The following CAMK2G variants were observed in gnomAD, a reference collection of about 807,000 sequenced individuals.
The protein encoded by CAMK2G is calcium/calmodulin-dependent protein kinase type II subunit gamma.
A neutral mutation model predicts 88.7 loss-of-function variants in CAMK2G; 23 were observed. The observed-to-expected ratio is 0.26, with a 90% CI of 0.19 to 0.37. CAMK2G has a LOEUF of 0.37. Among genes scored for constraint, CAMK2G ranks in the 10% least tolerant of loss-of-function variants. The pLI is 1.00. For synonymous variants in CAMK2G, 263 were observed against 294.8 expected (o/e 0.89, Z 1.11); for missense variants, 476 against 780.8 (o/e 0.61, Z 4.65).
At chr10:73,843,054 C>A (rs2093932378) in intron 10 of CAMK2G, among the ~76,000 whole-genome samples, 1 of 151,194 alleles carries the variant, frequency 6.6e-6, no homozygotes, top group Non-Finnish European at 1.5e-5. Context: ...AGCATCAATT[C>A]TTTTCATCAT....
chr10:73,870,908 A>G, intron 2 of CAMK2G, among the ~76,000 whole-genome samples: 1 of 152,050 alleles, frequency 6.6e-6, no homozygotes. Flanking sequence ...GCCCACACCT[A>G]TAGTCCAGCC....
chr10:73,815,643 A>G (rs928417977), intron 21 of CAMK2G, among the ~76,000 whole-genome samples: 1 of 152,212 alleles, frequency 6.6e-6, no homozygotes, highest in Non-Finnish European at 1.5e-5. Context: ...ACTAAAGCCT[A>G]TAGATTTTCT....
At chr10:73,818,550 G>A in intron 19 of CAMK2G, 1 of 390,084 alleles carries the variant, frequency 2.6e-6, no homozygotes, top group Admixed American at 2.9e-5. Flanking sequence ...CGTTAGAACA[G>A]CACCACCACG....
chr10:73,818,843 T>C (rs979183354), intron 19 of CAMK2G: 2 of 455,944 alleles, frequency 4.4e-6, no homozygotes, highest in Non-Finnish European at 8.8e-6. Context: ...TCTGCAAGGA[T>C]AGATGGTGGG....
chr10:73,837,366 G>A (rs889658001), intron 14 of CAMK2G, 102 bp downstream of exon 14: 7 of 912,486 alleles, frequency 7.7e-6, no homozygotes, highest in Non-Finnish European at 1.3e-5. Flanking sequence ...GACTAGCAAG[G>A]ATAGGAAGAT....
rs370109920 is a variant in CAMK2G at position 73,849,134 on chromosome 10, G to A, written c.415-19C>T. ...TCTCAGGCTGCAGAAGAAACACAGA[G>A]AACCTTGTGAGCACCCACCCTGCAG... is the stretch of plus-strand genomic sequence containing the variant. On this transcript the variant is annotated intron_variant, in intron 6 of 22. Transcript: ENST00000423381. 4 of 1,605,558 alleles carry A rather than the reference G, an allele frequency of 2.5e-6. No individual in the cohort carries two copies. Among genetic ancestry groups the A allele is most frequent in the East Asian group, 2.2e-5 (1 of 44,832 alleles).
At chr10:73,863,313 C>T (rs377274358) in intron 2 of CAMK2G, among the ~76,000 whole-genome samples, 4 of 152,230 alleles carry the variant, frequency 2.6e-5, no homozygotes, top group East Asian at 1.9e-4. Context: ...GATCACCTGG[C>T]ATCCCTTGGT....
Position 73,824,045 on chromosome 10 carries a change from T to C in CAMK2G, c.1195A>G (p.Ile399Val), listed in dbSNP as rs2133541570. Residue 399 changes from isoleucine to valine, a missense_variant, in exon 17 of 23, where the codon ATC becomes GTC. Around this residue, in one of 3 missense-constraint regions of CAMK2G, gnomAD observed 278 missense variants for 366.5 expected, o/e 0.76. Coordinates refer to ENST00000423381, the MANE Select transcript of CAMK2G (RefSeq NM_001367534.1). ...CAGGCTCAGGAGCCACTCACCTTGA[T>C]CCCATCTGTAGCGTTGTGTACCACA... is the stretch of plus-strand genomic sequence containing the variant. ...TTVVHNATDG[I>V]KGSTESCNTT... 1 of 1,613,210 alleles carries C rather than the reference T, an allele frequency of 6.2e-7. No individual in the cohort carries two copies. The highest frequency in any genetic ancestry group is 2.2e-5 in the East Asian group (1 of 44,870).
At chr10:73,866,790 AG>A (rs1423208562) in intron 2 of CAMK2G, among the ~76,000 whole-genome samples, 1 of 152,112 alleles carries the variant, frequency 6.6e-6, no homozygotes, top group African/African-American at 2.4e-5. Context: ...TGGCACTCTG[AG>A]GAGCAGAAAC....
intron 21 of CAMK2G, 181 bp downstream of exon 21, chr10:73,816,842 G>C (rs761152969): frequency 6.3e-7 from 1 of 1,575,030 alleles, no homozygotes; most frequent in African/African-American, 1.3e-5. Context: ...CAGGAGCAGG[G>C]CCTTCAAAGG....
chr10:73,869,384 TC>T (rs2135896585), intron 2 of CAMK2G, among the ~76,000 whole-genome samples: 1 of 152,302 alleles, frequency 6.6e-6, no homozygotes, highest in South Asian at 2.1e-4. Flanking sequence ...TGCCTACATC[TC>T]CCACTCTGCC....
chr10:73,835,814 G>A (rs1197355613), intron 14 of CAMK2G, among the ~76,000 whole-genome samples: 1 of 152,086 alleles, frequency 6.6e-6, no homozygotes, highest in Non-Finnish European at 1.5e-5. Flanking sequence ...TTAAGTTATA[G>A]AAATGTCATG....
chr10:73,825,089 C>T (rs2242253), intron 16 of CAMK2G, among the ~76,000 whole-genome samples, 190 bp downstream of exon 16: 2 of 152,146 alleles, frequency 1.3e-5, no homozygotes, highest in African/African-American at 4.8e-5. Context: ...TTCTGCCATG[C>T]GGGATGGAGC....
intron 14 of CAMK2G, chr10:73,837,250 CCT>C (rs2093338714): frequency 3.3e-6 from 2 of 612,956 alleles, no homozygotes; most frequent in East Asian, 2.8e-5. Context: ...GATCACTTCC[CCT>C]GAGTCATTCC....
chr10:73,856,982 C>CAAT (rs1190591594), intron 3 of CAMK2G, among the ~76,000 whole-genome samples: 4 of 152,180 alleles, frequency 2.6e-5, no homozygotes, highest in Non-Finnish European at 5.9e-5. Context: ...ATATCTGCAG[C>CAAT]AATAACACAG....
At chr10:73,855,417 G>A (rs1337023134) in intron 3 of CAMK2G, among the ~76,000 whole-genome samples, 2 of 152,210 alleles carry the variant, frequency 1.3e-5, no homozygotes, top group Non-Finnish European at 2.9e-5. Context: ...GGGAATTAAC[G>A]GGACAGCAGC....
At chr10:73,829,265 CTTTT>C (rs960793499) in intron 14 of CAMK2G, among the ~76,000 whole-genome samples, 18 of 132,626 alleles carry the variant, frequency 1.4e-4, no homozygotes, top group African/African-American at 4.9e-4. Flanking sequence ...TTACATTGGC[CTTTT>C]ATTTATTTAT....
At chr10:73,873,339 C>T in intron 1 of CAMK2G, 1 of 1,348,242 alleles carries the variant, frequency 7.4e-7, no homozygotes, top group Non-Finnish European at 9.6e-7. Flanking sequence ...GCAACAGCCT[C>T]CACCTCAGGC....
intron 12 of CAMK2G, among the ~76,000 whole-genome samples, chr10:73,840,028 G>A (rs147044524): frequency 2.9e-4 from 44 of 152,272 alleles, no homozygotes; most frequent in African/African-American, 1.0e-3. Flanking sequence ...TGCCGGGGGC[G>A]CAGAGCAGCC....
Sources: allele counts gnomAD v4.1 joint callset (sites outside exome capture counted in the v4.1 genomes callset), GRCh38; gene constraint gnomAD v4.1.1; regional missense constraint gnomAD v4.1.1; transcripts MANE v1.5; gene names NCBI Gene and HGNC (gene_info 2026-07-23, HGNC 2026-07-21).